The following NRXN3 variants were observed in gnomAD, a reference collection of about 807,000 sequenced individuals.
The protein encoded by NRXN3 is neurexin III.
NRXN3 carries 32 observed loss-of-function variants against 137.6 expected under a neutral mutation model. The observed-to-expected ratio is 0.23, with a 90% CI of 0.18 to 0.31. The LOEUF is 0.31. Among genes scored for constraint, NRXN3 ranks in the 10% least tolerant of loss-of-function variants. The pLI is 1.00. For synonymous variants in NRXN3, 798 were observed against 784.5 expected (o/e 1.02, Z -0.29); for missense variants, 1,574 against 2,062.5 (o/e 0.76, Z 4.59).
chr14:79,653,960 C>A (rs1337293203), intron 16 of NRXN3, among the ~76,000 whole-genome samples: 1 of 152,188 alleles, frequency 6.6e-6, no homozygotes, highest in Non-Finnish European at 1.5e-5. Context: ...AAGTACCCCA[C>A]TCTGGGTTTT....
intron 15 of NRXN3, among the ~76,000 whole-genome samples, chr14:79,349,748 A>G (rs2153386045): frequency 6.6e-6 from 1 of 152,298 alleles, no homozygotes; most frequent in Non-Finnish European, 1.5e-5. Flanking sequence ...ACATCAAGTC[A>G]TCAGTGTGGG....
At chr14:78,457,975 A>T (rs2094799907) in intron 4 of NRXN3, among the ~76,000 whole-genome samples, 1 of 152,142 alleles carries the variant, frequency 6.6e-6, no homozygotes, top group African/African-American at 2.4e-5. Context: ...GCTCCAGTTT[A>T]GAAAATTCTC....
At chr14:78,819,518 G>A (rs1306178117) in intron 10 of NRXN3, among the ~76,000 whole-genome samples, 2 of 152,002 alleles carry the variant, frequency 1.3e-5, no homozygotes, top group East Asian at 3.9e-4. Context: ...TTTATATAAG[G>A]AACTTAAGCA....
chr14:79,054,244 G>A (rs2099650084), intron 15 of NRXN3, among the ~76,000 whole-genome samples: 1 of 151,856 alleles, frequency 6.6e-6, no homozygotes, highest in African/African-American at 2.4e-5. Context: ...ACACCAACAT[G>A]CCACATGTAT....
At chr14:79,804,907 A>G (rs2099197816) in intron 19 of NRXN3, among the ~76,000 whole-genome samples, 1 of 152,006 alleles carries the variant, frequency 6.6e-6, no homozygotes, top group Non-Finnish European at 1.5e-5. Flanking sequence ...AGACCCCCCT[A>G]AGACGGTCTA....
At chr14:78,989,172 AC>A (rs2099513421) in intron 15 of NRXN3, among the ~76,000 whole-genome samples, 1 of 152,194 alleles carries the variant, frequency 6.6e-6, no homozygotes, top group South Asian at 2.1e-4. Context: ...GACTCATTTG[AC>A]CTCTTGGTTT....
At chr14:79,262,772 G>C (rs2077831941) in intron 15 of NRXN3, among the ~76,000 whole-genome samples, 2 of 152,164 alleles carry the variant, frequency 1.3e-5, no homozygotes, top group Non-Finnish European at 2.9e-5. Context: ...CTGCATTTCA[G>C]GGAAGGCAAA....
At chr14:79,755,531 G>GGTT (rs1568129488) in intron 19 of NRXN3, among the ~76,000 whole-genome samples, 7 of 145,844 alleles carry the variant, frequency 4.8e-5, no homozygotes, top group African/African-American at 1.6e-4. Context: ...AAATACCGAA[G>GGTT]ATTTTTTTTT....
intron 15 of NRXN3, among the ~76,000 whole-genome samples, chr14:79,212,724 A>G (rs1318731279): frequency 6.6e-6 from 1 of 152,150 alleles, no homozygotes; most frequent in Non-Finnish European, 1.5e-5. Context: ...GAGTGTTGGA[A>G]ATGCTGGATA....
intron 16 of NRXN3, among the ~76,000 whole-genome samples, chr14:79,501,414 A>G (rs1162475549): frequency 1.3e-5 from 2 of 152,168 alleles, no homozygotes; most frequent in African/African-American, 4.8e-5. Context: ...ACTATGCATC[A>G]TCAGTTAAGC....
At chr14:78,684,204 A>T (rs58730230) in intron 6 of NRXN3, among the ~76,000 whole-genome samples, 96 of 152,248 alleles carry the variant, frequency 6.3e-4, no homozygotes, top group African/African-American at 2.3e-3. Flanking sequence ...GGGTCTATGG[A>T]TCTTTGGCAA....
Position 78,441,939 on chromosome 14 carries a change from A to G in NRXN3, c.757+144079A>G, listed in dbSNP as rs531296482. Among the ~76,000 whole-genome samples the G allele has an allele frequency of 7.9e-5, 12 of 152,088 alleles. No individual in the cohort carries two copies. In the East Asian group the frequency reaches 2.1e-3, roughly 27 times the overall value. ...GTGAAACCCTGTCTCTACTAAAAAT[A>G]CAAAAAATTAGCCAGGCGTGGTGGC... is the stretch of plus-strand genomic sequence containing the variant. On this transcript the variant is annotated intron_variant, in intron 4 of 20. Coordinates refer to ENST00000335750, the MANE Select transcript of NRXN3 (RefSeq NM_001330195.2).
chr14:78,580,974 G>A (rs1039709423), intron 4 of NRXN3, among the ~76,000 whole-genome samples: 4 of 152,150 alleles, frequency 2.6e-5, no homozygotes, highest in Admixed American at 2.0e-4. Context: ...ACTGTTCTAC[G>A]AACACAAGAA....
intron 16 of NRXN3, among the ~76,000 whole-genome samples, chr14:79,654,032 G>A (rs1039459406): frequency 6.6e-6 from 1 of 152,188 alleles, no homozygotes; most frequent in Non-Finnish European, 1.5e-5. Flanking sequence ...GTTCTGGTAG[G>A]AAGTGGAACA....
chr14:78,308,091 T>A (rs1045331480), intron 4 of NRXN3, among the ~76,000 whole-genome samples: 2 of 134,688 alleles, frequency 1.5e-5, no homozygotes, highest in Non-Finnish European at 3.3e-5. Flanking sequence ...TAACATTTTC[T>A]TGTTTTTTTT....
chr14:78,478,511 A>C (rs1435978735), intron 4 of NRXN3, among the ~76,000 whole-genome samples: 2 of 152,182 alleles, frequency 1.3e-5, no homozygotes, highest in Non-Finnish European at 1.5e-5. Flanking sequence ...ACAAACCCAC[A>C]GGGTAACTAT....
At chr14:79,706,518 G>A (rs1375979923) in intron 19 of NRXN3, among the ~76,000 whole-genome samples, 1 of 147,088 alleles carries the variant, frequency 6.8e-6, no homozygotes, top group Non-Finnish European at 1.5e-5. Flanking sequence ...GTTGTTGAAA[G>A]CCACAAGAGG....
chr14:79,454,026 A>G (rs1256423507), intron 15 of NRXN3, among the ~76,000 whole-genome samples: 1 of 152,094 alleles, frequency 6.6e-6, no homozygotes, highest in African/African-American at 2.4e-5. Context: ...CCCACTGATC[A>G]ATGTAGTCAT....
chr14:78,899,211 G>T (rs909497920), intron 10 of NRXN3, among the ~76,000 whole-genome samples: 2 of 149,852 alleles, frequency 1.3e-5, no homozygotes, highest in African/African-American at 5.1e-5. Context: ...AAAGAAGAGG[G>T]AGGAGAGGGA....
Sources: allele counts gnomAD v4.1 joint callset (sites outside exome capture counted in the v4.1 genomes callset), GRCh38; gene constraint gnomAD v4.1.1; transcripts MANE v1.5; gene names NCBI Gene and HGNC (gene_info 2026-07-23, HGNC 2026-07-21).